MALRD1: variants seen among roughly 807,000 people sequenced by gnomAD.
MALRD1 encodes the protein MAM and LDL receptor class A domain containing 1.
Under a neutral mutation model 242.1 loss-of-function variants are expected in MALRD1, and 247 were observed. That is an observed-to-expected ratio of 1.02 (90% CI 0.92 to 1.13). The LOEUF is 1.13. Among genes scored for constraint, MALRD1 ranks in the 50% most tolerant of loss-of-function variants. The pLI is 0.00. For synonymous variants in MALRD1, 995 were observed against 866.6 expected (o/e 1.15, Z -2.60); for missense variants, 2,989 against 2,533.1 (o/e 1.18, Z -3.86).
chr10:19,545,449 G>T (rs1835168867), intron 32 of MALRD1, among the ~76,000 whole-genome samples: 1 of 152,092 alleles, frequency 6.6e-6, no homozygotes. Flanking sequence ...AAGATTGGTT[G>T]GGTATAGATT....
intron 24 of MALRD1, 110 bp downstream of exon 24, chr10:19,331,692 G>A: frequency 1.2e-6 from 1 of 809,988 alleles, no homozygotes; most frequent in Non-Finnish European, 2.0e-6. Context: ...CAACACCAGG[G>A]GAAGGTAAGG....
At chr10:19,231,289 C>T (rs1374592897) in intron 18 of MALRD1, among the ~76,000 whole-genome samples, 1 of 152,120 alleles carries the variant, frequency 6.6e-6, no homozygotes, top group Admixed American at 6.6e-5. Flanking sequence ...TCCCTTTATC[C>T]AATTCAGCTT....
chr10:19,557,934 A>G (rs1054853739), intron 32 of MALRD1, among the ~76,000 whole-genome samples: 6 of 152,052 alleles, frequency 3.9e-5, no homozygotes, highest in Admixed American at 2.0e-4. Flanking sequence ...GAGATTTTTC[A>G]TCAGTTTTGT....
At chr10:19,393,525 A>C (rs1282183405) in intron 28 of MALRD1, among the ~76,000 whole-genome samples, 1 of 140,634 alleles carries the variant, frequency 7.1e-6, no homozygotes, top group African/African-American at 2.7e-5. Context: ...GGCTCACTGC[A>C]AGCTCCGTCT....
chr10:19,212,709 GCAGTGTATGAGAGTTTCA>G (rs1452353429), intron 18 of MALRD1, among the ~76,000 whole-genome samples: 3 of 151,870 alleles, frequency 2.0e-5, no homozygotes, highest in Non-Finnish European at 4.4e-5. Flanking sequence ...ATTCCCATCA[GCAGTGTATGAGAGTTTCA>G]GCTTCTCCAC....
chr10:19,533,773 A>G (rs550771150), intron 32 of MALRD1, among the ~76,000 whole-genome samples: 28 of 152,176 alleles, frequency 1.8e-4, no homozygotes, highest in African/African-American at 6.3e-4. Context: ...ACCAGTCCCA[A>G]CCTCCAGCAT....
chr10:19,639,543 T>G (rs1840293624), intron 36 of MALRD1, among the ~76,000 whole-genome samples: 1 of 152,088 alleles, frequency 6.6e-6, no homozygotes, highest in African/African-American at 2.4e-5. Context: ...CCTGAAGGAG[T>G]CACTTAAATC....
chr10:19,587,200 G>A (rs191201394), intron 33 of MALRD1, among the ~76,000 whole-genome samples: 16 of 152,326 alleles, frequency 1.1e-4, no homozygotes, highest in South Asian at 4.1e-4. Context: ...CGTCACTCAC[G>A]CTAGGAGCTG....
chr10:19,234,372 TA>T (rs1233981795), intron 18 of MALRD1, among the ~76,000 whole-genome samples: 3 of 151,440 alleles, frequency 2.0e-5, no homozygotes, highest in Non-Finnish European at 2.9e-5. Flanking sequence ...TTTGAGCCCC[TA>T]AAAAACATTT....
At chr10:19,479,778 A>G (rs3904890) in intron 29 of MALRD1, among the ~76,000 whole-genome samples, 44,587 of 152,012 alleles carry the variant, frequency 0.29, 6,664 homozygotes, top group East Asian at 0.41. Flanking sequence ...TTTCTATTGA[A>G]TTTACTCAGG....
At chr10:19,277,780 G>A (rs896639773) in intron 19 of MALRD1, among the ~76,000 whole-genome samples, 2 of 152,114 alleles carry the variant, frequency 1.3e-5, no homozygotes, top group African/African-American at 4.8e-5. Flanking sequence ...TAAACTACTA[G>A]TTATTGGACT....
chr10:19,091,895 C>T lies in MALRD1; in HGVS notation c.597+3710C>T, dbSNP rs1174198346. Among the ~76,000 whole-genome samples, 4 of 85,366 alleles carry T rather than the reference C, an allele frequency of 4.7e-5. 1 individual carries two copies. The highest frequency in any genetic ancestry group is 6.4e-4 in the East Asian group (2 of 3,132). 56.0% of individuals were successfully genotyped at this position (85,366 alleles called of 152,430 possible). ...TTTGTTCAGTTTCCATGTAGTTGAG[C>T]GGCTTTGAGTGAGATTCTTAATCCT... is the stretch of plus-strand genomic sequence containing the variant. On this transcript the variant is annotated intron_variant, in intron 4 of 39. Coordinates refer to ENST00000454679, the MANE Select transcript of MALRD1 (RefSeq NM_001142308.3).
intron 29 of MALRD1, among the ~76,000 whole-genome samples, chr10:19,485,590 C>T (rs908673557): frequency 1.3e-5 from 2 of 151,770 alleles, no homozygotes; most frequent in East Asian, 3.9e-4. Flanking sequence ...TTGCAGTGAG[C>T]CCAGATCGCG....
At chr10:19,331,672 G>A in intron 24 of MALRD1, 90 bp downstream of exon 24, 1 of 1,038,694 alleles carries the variant, frequency 9.6e-7, no homozygotes, top group East Asian at 2.6e-5. Context: ...CATGCAGAGT[G>A]TGTGTATCTC....
intron 26 of MALRD1, among the ~76,000 whole-genome samples, chr10:19,354,495 C>T (rs1337217008): frequency 6.6e-6 from 1 of 151,852 alleles, no homozygotes; most frequent in Non-Finnish European, 1.5e-5. Context: ...ATTTTTGTAC[C>T]CATTAACCAA....
chr10:19,491,406 A>C, intron 29 of MALRD1, 111 bp from the exon 30 acceptor site: 1 of 1,318,600 alleles, frequency 7.6e-7, no homozygotes, highest in South Asian at 1.3e-5. Context: ...GCAACTGTTG[A>C]AATCCTTAAC....
At chr10:19,221,980 A>G (rs779087379) in intron 18 of MALRD1, among the ~76,000 whole-genome samples, 7 of 152,168 alleles carry the variant, frequency 4.6e-5, no homozygotes, top group Non-Finnish European at 7.3e-5. Context: ...AATGGGTAAG[A>G]AAAATACCGA....
intron 33 of MALRD1, among the ~76,000 whole-genome samples, chr10:19,587,021 A>C (rs1469683390): frequency 6.6e-6 from 1 of 152,200 alleles, no homozygotes; most frequent in South Asian, 2.1e-4. Context: ...TTCTTTGACT[A>C]GGAAAGGGAA....
rs182744546 is a variant in MALRD1, at chr10:19,441,908, A to G, written c.4846-8399A>G. ...GCTTGGTGGGGATAACATTGAATCTATAAATTACCTTGGGCAGTATGGCCA... is the reference window on the plus strand; with the variant it reads ...GCTTGGTGGGGATAACATTGAATCTGTAAATTACCTTGGGCAGTATGGCCA... On this transcript the variant is annotated intron_variant, in intron 28 of 39. Coordinates refer to ENST00000454679, the MANE Select transcript of MALRD1 (RefSeq NM_001142308.3). Among the ~76,000 whole-genome samples, 590 of 152,260 alleles carry G rather than the reference A, an allele frequency of 3.9e-3. 5 individuals are homozygous for G. The highest frequency in any genetic ancestry group is 0.014 in the African/African-American group (570 of 41,550).
Sources: gnomAD v4.1 joint callset for allele counts (sites outside exome capture counted in the v4.1 genomes callset) on GRCh38, gnomAD v4.1.1 for gene constraint, MANE v1.5 for transcripts, NCBI Gene and HGNC (gene_info 2026-07-23, HGNC 2026-07-21) for gene names.